The following ZNF594 variants were observed in gnomAD, a reference collection of about 807,000 sequenced individuals.
ZNF594 encodes the protein zinc finger protein HZF18.
For missense variants in ZNF594, 1,037 were observed against 964.6 expected, an observed-to-expected ratio of 1.08 and a Z score of -0.99; for synonymous variants, 336 against 309.4, an observed-to-expected ratio of 1.09 and a Z score of -0.90.
intron 1 of ZNF594, 155 bp from the exon 2 acceptor site, chr17:5,184,431 CAGG>C: frequency 1.3e-6 from 1 of 757,496 alleles, no homozygotes; most frequent in South Asian, 1.9e-5. Flanking sequence ...GTGGCTAACA[CAGG>C]AACCTGTGCT....
In ZNF594 at chr17:5,181,535, T is replaced by A; in HGVS notation, c.*298A>T. Reference sequence around the variant, plus strand: ...GGAAAGCTGTGTGCCACATGAAGAGTTTCCCACATTCCTTACATTCATAGG... The same window carrying A: ...GGAAAGCTGTGTGCCACATGAAGAGATTCCCACATTCCTTACATTCATAGG... On this transcript the variant is annotated 3_prime_UTR_variant, in exon 2 of 2. Coordinates refer to ENST00000575779, the MANE Select transcript of ZNF594 (RefSeq NM_032530.2). 6.2e-7 allele frequency: 1 copy of A among 1,613,748 alleles called. No individual in the cohort carries two copies. Among genetic ancestry groups the A allele is most frequent in the South Asian group, 1.1e-5 (1 of 91,058 alleles).
chr17:5,179,886 T>C lies in ZNF594; in HGVS notation c.*1947A>G, dbSNP rs571435595. Reference sequence around the variant, plus strand: ...ATATAATTCTTTAATAAATGCAGTTTGGTAAACATAATCTTTTAAGACACA... The same window carrying C: ...ATATAATTCTTTAATAAATGCAGTTCGGTAAACATAATCTTTTAAGACACA... On this transcript the variant is annotated 3_prime_UTR_variant, in exon 2 of 2. Coordinates refer to ENST00000575779, the MANE Select transcript of ZNF594 (RefSeq NM_032530.2). 1.3e-5 allele frequency: 2 copies of C among 152,196 alleles called. No homozygotes were observed. The highest frequency in any genetic ancestry group is 4.2e-4 in the South Asian group (2 of 4,818). 9.4% of individuals were successfully genotyped at this position (152,196 alleles called of 1,614,324 possible).
rs2074367525 is a variant in ZNF594 at position 5,183,820 on chromosome 17, T to C, written c.437A>G (p.Gln146Arg). The C allele has an allele frequency of 1.9e-6, 3 of 1,614,188 alleles. No homozygotes were observed. Among genetic ancestry groups the C allele is most frequent in the Non-Finnish European group, 1.7e-6 (2 of 1,180,036 alleles). ...FNRSSNLIIH[Q>R]RIHTGNKPYV... is the part of the protein sequence containing the mutation. ...TGGCTTATTTCCTGTATGAATTCTCTGATGTATGATCAGGTTTGAACTCCT... is the reference window on the plus strand; with the variant it reads ...TGGCTTATTTCCTGTATGAATTCTCCGATGTATGATCAGGTTTGAACTCCT... Residue 146 changes from glutamine to arginine, a missense_variant, in exon 2 of 2, where the codon CAG (glutamine) becomes CGG (arginine). Gln to Arg is a conservative substitution (Grantham distance 43, BLOSUM62 1). Transcript: ENST00000575779.
Position 5,184,064 on chromosome 17 carries a change from C to T in ZNF594, c.193G>A (p.Gly65Ser), listed in dbSNP as rs375261978. ...AMRHLPSQESGIREMHIIPQK... is the reference protein window; with the variant it reads ...AMRHLPSQESSIREMHIIPQK... ...GGGATAATATGCATTTCCCTGATACCGCTCTCTTGGGAAGGGAGATGTCTC... is the reference window on the plus strand; with the variant it reads ...GGGATAATATGCATTTCCCTGATACTGCTCTCTTGGGAAGGGAGATGTCTC... Residue 65 changes from glycine (G) to serine (S), a missense_variant, in exon 2 of 2, where the codon GGT becomes AGT. Coordinates refer to ENST00000575779, the MANE Select transcript of ZNF594 (RefSeq NM_032530.2). The T allele has an allele frequency of 3.9e-5, 63 of 1,614,128 alleles. No individual in the cohort carries two copies. In the Admixed American group the frequency reaches 4.7e-4, roughly 12 times the overall value.
intron 1 of ZNF594, among the ~76,000 whole-genome samples, chr17:5,188,555 A>G (rs1241037670): frequency 6.6e-6 from 1 of 152,186 alleles, no homozygotes; most frequent in African/African-American, 2.4e-5. Flanking sequence ...TTCAGGGAAG[A>G]ATAAAGGAAA....
downstream of ZNF594, among the ~76,000 whole-genome samples, chr17:5,176,701 C>G (rs2074310376): frequency 6.6e-6 from 1 of 151,656 alleles, no homozygotes; most frequent in Non-Finnish European, 1.5e-5. Flanking sequence ...AAAATGTGGG[C>G]TGTCAGATAA....
At position 5,182,515 on chromosome 17, in the gene ZNF594, G is replaced by A. The variant is rs770772513; in HGVS notation, c.1742C>T (p.Ser581Leu). 8.1e-6 allele frequency: 13 copies of A among 1,613,924 alleles called. No individual in the cohort carries two copies. The South Asian group carries it at 1.2e-4, about 15-fold the overall frequency. The change falls in exon 2 of 2, where the codon TCA becomes TTA. Residue 581 changes from serine (S) to leucine (L), a missense_variant. By Grantham distance (145) the Ser-to-Leu change is moderately radical. Transcript: ENST00000575779. ...NQCGRAFQGS[S>L]DLIRHQVTHT... ...AGTTACCTGATGTCTGATGAGGTCT[G>A]AGCTGCCCTGGAAAGCCCTACCACA...
chr17:5,188,841 G>A (rs932353744), intron 1 of ZNF594, among the ~76,000 whole-genome samples: 9 of 149,028 alleles, frequency 6.0e-5, no homozygotes, highest in African/African-American at 9.9e-5. Flanking sequence ...TCCGCCTCCC[G>A]GGTTCACGCC....
chr17:5,181,651 C>A lies in ZNF594; in HGVS notation c.*182G>T. On this transcript the variant is annotated 3_prime_UTR_variant, in exon 2 of 2. Transcript: ENST00000575779. ...CATTCAGTGCACTGATAGGGCTTCT[C>A]TCCAGTGTGGATTTTCTGGTGTGTG... 6.3e-7 allele frequency: 1 copy of A among 1,583,630 alleles called. No homozygotes were observed. The highest frequency in any genetic ancestry group is 8.7e-7 in the Non-Finnish European group (1 of 1,152,386).
At chr17:5,174,741 T>A (rs1277534563), downstream of ZNF594, 5 of 201,426 alleles carry the variant, frequency 2.5e-5, no homozygotes, top group Admixed American at 6.0e-5. Flanking sequence ...TTAATTTTTT[T>A]AATTCATGAA....
intron 1 of ZNF594, 76 bp from the exon 2 acceptor site, chr17:5,184,352 AG>A (rs1472860413): frequency 5.4e-5 from 76 of 1,395,814 alleles, no homozygotes; most frequent in Non-Finnish European, 7.0e-5. Flanking sequence ...GCAGTCTAAG[AG>A]GGAGGAACAA....
rs773189973 is a variant in ZNF594 at position 5,181,757 on chromosome 17, T to C, written c.*76A>G. The C allele has an allele frequency of 2.5e-6, 4 of 1,603,544 alleles. No homozygotes were observed. The highest frequency in any genetic ancestry group is 2.6e-6 in the Non-Finnish European group (3 of 1,170,648). On this transcript the variant is annotated 3_prime_UTR_variant, in exon 2 of 2. Transcript: ENST00000575779. ...TCTCTCCAGTATGAACACGATGGTG[T>C]TTAATAAGATCTGAGCTGCTCCTAA...
Position 5,182,384 on chromosome 17 carries a change from C to G in ZNF594, c.1873G>C (p.Val625Leu). The change falls in exon 2 of 2, where the codon GTA becomes CTA. Residue 625 changes from valine to leucine, a missense_variant. Transcript: ENST00000575779. ...AAAGATTTCCCACATTTGTTGCATA[C>G]ATAAGGTTTTTCTCCACTGTGAATT... is the stretch of plus-strand genomic sequence containing the variant. ...HRIHSGEKPY[V>L]CNKCGKSFRG... 1 of 1,613,576 alleles carries G rather than the reference C, an allele frequency of 6.2e-7. No homozygotes were observed. The highest frequency in any genetic ancestry group is 8.5e-7 in the Non-Finnish European group (1 of 1,179,976).
At chr17:5,187,928 G>A (rs2074396387) in intron 1 of ZNF594, among the ~76,000 whole-genome samples, 1 of 124,704 alleles carries the variant, frequency 8.0e-6, no homozygotes, top group African/African-American at 3.1e-5. Context: ...TCACCATGTT[G>A]CCCAGGCTGG....
downstream of ZNF594, among the ~76,000 whole-genome samples, chr17:5,176,514 C>A (rs1451505105): frequency 1.3e-5 from 2 of 150,196 alleles, no homozygotes; most frequent in African/African-American, 4.9e-5. Flanking sequence ...TGAAGCACAA[C>A]TCTTTTAAGT....
At chr17:5,189,404 C>A (rs1054434873) in intron 1 of ZNF594, among the ~76,000 whole-genome samples, 2 of 151,946 alleles carry the variant, frequency 1.3e-5, no homozygotes, top group Non-Finnish European at 2.9e-5. Context: ...TGCTGCAGCA[C>A]ACATGGCTAA....
intron 1 of ZNF594, among the ~76,000 whole-genome samples, chr17:5,185,918 G>T (rs1359042047): frequency 6.6e-6 from 1 of 152,192 alleles, no homozygotes; most frequent in Non-Finnish European, 1.5e-5. Flanking sequence ...CCATGGTCTT[G>T]GGCAACTCCA....
chr17:5,177,145 G>A (rs1267958248), downstream of ZNF594, among the ~76,000 whole-genome samples: 8 of 150,740 alleles, frequency 5.3e-5, no homozygotes, highest in South Asian at 4.2e-4. Flanking sequence ...GCAGTGAGCC[G>A]AGATCGCACC....
chr17:5,190,300 G>A (rs879400541), intron 1 of ZNF594, among the ~76,000 whole-genome samples: 13 of 152,090 alleles, frequency 8.5e-5, no homozygotes, highest in Non-Finnish European at 1.6e-4. Flanking sequence ...CCTGGGAGGC[G>A]GAGGTTGCAG....
Sources: gnomAD v4.1 joint callset for allele counts (sites outside exome capture counted in the v4.1 genomes callset) on GRCh38, gnomAD v4.1.1 for gene constraint, MANE v1.5 for transcripts, NCBI Gene and HGNC (gene_info 2026-07-23, HGNC 2026-07-21) for gene names.